Variants in CTNNA2 observed in about 807,000 individuals in gnomAD.
CTNNA2 encodes catenin alpha-2.
Under a neutral mutation model 101.0 loss-of-function variants are expected in CTNNA2, and 42 were observed. The ratio of observed to expected loss-of-function variants is 0.42; its 90% CI spans 0.32 to 0.54. The LOEUF (loss-of-function observed/expected upper bound fraction) is 0.54. Ranked by LOEUF, CTNNA2 falls within the 20% of genes least tolerant of loss-of-function variation. The probability of loss-of-function intolerance (pLI) is 0.14; values close to 1 mark genes in which losing one functional copy is unlikely to be tolerated. For synonymous variants in CTNNA2, 450 were observed against 456.4 expected, an observed-to-expected ratio of 0.99 and a Z score of 0.18; for missense variants, 871 against 1,223.1, an observed-to-expected ratio of 0.71 and a Z score of 4.29.
chr2:80,162,269 T>A (rs973876137), intron 7 of CTNNA2, among the ~76,000 whole-genome samples: 4 of 152,174 alleles, frequency 2.6e-5, no homozygotes, highest in African/African-American at 9.6e-5. Flanking sequence ...AGGTGAAAGG[T>A]TATTAATGTA....
chr2:79,870,387 A>C (rs1435012421), intron 5 of CTNNA2, among the ~76,000 whole-genome samples: 1 of 151,832 alleles, frequency 6.6e-6, no homozygotes, highest in African/African-American at 2.4e-5. Flanking sequence ...CTGAAAGAGA[A>C]GAAGAAAACA....
At chr2:79,773,453 A>G (rs182577761) in intron 3 of CTNNA2, among the ~76,000 whole-genome samples, 266 of 152,292 alleles carry the variant, frequency 1.7e-3, no homozygotes, top group African/African-American at 6.2e-3. Flanking sequence ...AGCTCGAAGC[A>G]GGGAGGGGGC....
Position 80,182,149 on chromosome 2 carries a change from C to T in CTNNA2, c.1057-211062C>T, listed in dbSNP as rs565759298. Among the ~76,000 whole-genome samples the T allele has an allele frequency of 2.2e-3, 342 of 152,238 alleles. 3 individuals are homozygous for T. Among genetic ancestry groups the T allele is most frequent in the African/African-American group, 7.6e-3 (315 of 41,544 alleles). On this transcript the variant is annotated intron_variant, in intron 7 of 18. Transcript: ENST00000402739. The stretch of plus-strand genomic sequence containing the variant: ...AAAGAAGCCAGTACAAGTCACAAAA[C>T]CTCAAAAGTAGGGAAGCAGACAGTG...
At chr2:80,394,612 G>A (rs1677830225) in intron 8 of CTNNA2, among the ~76,000 whole-genome samples, 1 of 152,116 alleles carries the variant, frequency 6.6e-6, no homozygotes, top group Non-Finnish European at 1.5e-5. Flanking sequence ...GATATGGGTG[G>A]CAGGAATTGG....
intron 5 of CTNNA2, among the ~76,000 whole-genome samples, chr2:79,507,742 T>C (rs1027217355): frequency 7.9e-5 from 12 of 152,148 alleles, no homozygotes; most frequent in African/African-American, 2.9e-4. Flanking sequence ...GTCAGCTGTT[T>C]CCCAAAGCAT....
intron 7 of CTNNA2, among the ~76,000 whole-genome samples, chr2:80,160,531 G>T (rs1298511073): frequency 6.6e-6 from 1 of 152,092 alleles, no homozygotes. Flanking sequence ...ACATCTAAAT[G>T]TGTTCTTTTT....
At chr2:80,190,716 C>T (rs1324679246) in intron 7 of CTNNA2, among the ~76,000 whole-genome samples, 1 of 152,166 alleles carries the variant, frequency 6.6e-6, no homozygotes, top group South Asian at 2.1e-4. Context: ...AGGTAATATC[C>T]TGGCTTCTAT....
chr2:80,155,678 T>G (rs1351847177), intron 7 of CTNNA2, among the ~76,000 whole-genome samples: 2 of 152,206 alleles, frequency 1.3e-5, no homozygotes, highest in East Asian at 3.9e-4. Flanking sequence ...TTATTGCAAC[T>G]GTGTGACACC....
At chr2:79,533,629 A>G (rs1238162701) in intron 1 of CTNNA2, among the ~76,000 whole-genome samples, 1 of 152,120 alleles carries the variant, frequency 6.6e-6, no homozygotes, top group Non-Finnish European at 1.5e-5. Context: ...TTGAGATCTT[A>G]ATAATGGCAC....
intron 1 of CTNNA2, among the ~76,000 whole-genome samples, chr2:79,540,406 C>T (rs1673335041): frequency 1.3e-5 from 2 of 152,186 alleles, no homozygotes; most frequent in South Asian, 4.1e-4. Context: ...CAGTGTCTGG[C>T]ACCGAGTAAG....
rs139813786 is a variant in CTNNA2 at position 79,472,266 on chromosome 2, T to C, written c.-134-32788T>C. 1.8e-3 allele frequency among the ~76,000 whole-genome samples: 277 copies of C among 152,370 alleles called. 1 individual carries two copies. In the Middle Eastern group the frequency reaches 0.02, roughly 11 times the overall value. On this transcript the variant is annotated intron_variant, in intron 4 of 21. Transcript: ENST00000466387. ...AGAACTGAAGGCTTGAGAATAATCCTTTTTGGCTTCATGCCCTGCCTTCAG... is the reference window on the plus strand; with the variant it reads ...AGAACTGAAGGCTTGAGAATAATCCCTTTTGGCTTCATGCCCTGCCTTCAG...
chr2:80,643,062 GTT>G (rs1402803132), intron 18 of CTNNA2, among the ~76,000 whole-genome samples: 2 of 152,128 alleles, frequency 1.3e-5, no homozygotes, highest in Admixed American at 6.6e-5. Context: ...GGAAACATCT[GTT>G]TTCTTTTAAA....
chr2:80,301,122 A>G (rs1676265311), intron 7 of CTNNA2, among the ~76,000 whole-genome samples: 1 of 152,064 alleles, frequency 6.6e-6, no homozygotes, highest in Non-Finnish European at 1.5e-5. Flanking sequence ...CTCTGCCCCT[A>G]AAGTCTCTTG....
chr2:79,472,564 TC>T (rs1671011445), intron 4 of CTNNA2, among the ~76,000 whole-genome samples: 1 of 152,234 alleles, frequency 6.6e-6, no homozygotes, highest in South Asian at 2.1e-4. Context: ...TAACAGCTTT[TC>T]TTCATTTCAT....
intron 9 of CTNNA2, among the ~76,000 whole-genome samples, chr2:80,540,089 T>C (rs1291327835): frequency 1.3e-5 from 2 of 152,180 alleles, no homozygotes; most frequent in Non-Finnish European, 2.9e-5. Flanking sequence ...TGATGATATA[T>C]TGTCTGCTTT....
At chr2:80,230,056 GT>G (rs1382009868) in intron 7 of CTNNA2, among the ~76,000 whole-genome samples, 2 of 151,998 alleles carry the variant, frequency 1.3e-5, no homozygotes, top group Admixed American at 6.6e-5. Flanking sequence ...TGCTAGACAT[GT>G]TTGTAGCCTA....
chr2:80,157,042 A>T (rs1371593856), intron 7 of CTNNA2, among the ~76,000 whole-genome samples: 2 of 152,194 alleles, frequency 1.3e-5, no homozygotes, highest in African/African-American at 4.8e-5. Context: ...CTGGTGGTAT[A>T]GGACAGATCA....
At chr2:79,639,892 C>T (rs537780323) in intron 1 of CTNNA2, among the ~76,000 whole-genome samples, 8 of 151,826 alleles carry the variant, frequency 5.3e-5, no homozygotes, top group Admixed American at 2.6e-4. Flanking sequence ...AAAAAATCTC[C>T]TTCCTGCATC....
chr2:80,386,882 C>A (rs1677056865), intron 7 of CTNNA2, among the ~76,000 whole-genome samples: 1 of 150,772 alleles, frequency 6.6e-6, no homozygotes, highest in African/African-American at 2.5e-5. Context: ...TAATATAGTA[C>A]CCTGAAACAT....
Sources: allele counts gnomAD v4.1 joint callset (sites outside exome capture counted in the v4.1 genomes callset), GRCh38; gene constraint gnomAD v4.1.1; transcripts MANE v1.5; gene names NCBI Gene and HGNC (gene_info 2026-07-23, HGNC 2026-07-21).